Variants in PDPK1 observed in about 807,000 individuals in gnomAD.
PDPK1 encodes 3-phosphoinositide dependent protein kinase 1.
PDPK1 carries 7 observed loss-of-function variants against 39.8 expected under a neutral mutation model. That is an observed-to-expected ratio of 0.18 (90% CI 0.10 to 0.33). PDPK1 has a LOEUF of 0.33. Ranked by LOEUF, PDPK1 falls within the 10% of genes least tolerant of loss-of-function variation. PDPK1 has a pLI of 1.00. For missense variants in PDPK1, 182 were observed against 384.7 expected, an observed-to-expected ratio of 0.47 and a Z score of 4.41; for synonymous variants, 118 against 159.1, an observed-to-expected ratio of 0.74 and a Z score of 1.95.
At chr16:2,585,430 C>T (rs2066847860) in intron 10 of PDPK1, among the ~76,000 whole-genome samples, 1 of 152,220 alleles carries the variant, frequency 6.6e-6, no homozygotes, top group Non-Finnish European at 1.5e-5. Context: ...GTACCTCCTC[C>T]CTCCCTGCAG....
chr16:2,541,223 G>C (rs2066239427), intron 1 of PDPK1, among the ~76,000 whole-genome samples: 1 of 152,222 alleles, frequency 6.6e-6, no homozygotes, highest in African/African-American at 2.4e-5. Flanking sequence ...GACAGGTCTT[G>C]GCCCTCTAGA....
intron 7 of PDPK1, among the ~76,000 whole-genome samples, chr16:2,577,727 G>A (rs1339496927): frequency 6.7e-6 from 1 of 149,412 alleles, no homozygotes; most frequent in African/African-American, 2.5e-5. Flanking sequence ...GAATCGTTTG[G>A]GTTTTTTTTG....
rs1288833224 is a variant in PDPK1, at chr16:2,602,560, A to C, written c.*4793A>C. The C allele has an allele frequency of 4.3e-6, 1 of 234,790 alleles. No individual in the cohort carries two copies. Among genetic ancestry groups the C allele is most frequent in the African/African-American group, 2.2e-5 (1 of 45,342 alleles). 14.5% of individuals were successfully genotyped at this position (234,790 alleles called of 1,614,324 possible). On this transcript the variant is annotated 3_prime_UTR_variant, in exon 14 of 14. Transcript: ENST00000342085. ...TAACCACCTGGCAGAATGACTACGA[A>C]TAGGGGTCATTGTGCTGGTAAAAGC...
At chr16:2,573,945 C>T (rs1446338744) in intron 6 of PDPK1, among the ~76,000 whole-genome samples, 1 of 28,366 alleles carries the variant, frequency 3.5e-5, no homozygotes, top group Non-Finnish European at 5.6e-5. Flanking sequence ...CAGGCGCCCA[C>T]CACCACGCCC....
rs562250380 is a variant in PDPK1, at chr16:2,544,313, T to C, written c.24+6177T>C. Among the ~76,000 whole-genome samples the C allele has an allele frequency of 7.8e-4, 118 of 152,152 alleles. 1 individual carries two copies. The highest frequency in any genetic ancestry group is 3.4e-3 in the Middle Eastern group (1 of 294). On this transcript the variant is annotated intron_variant, in intron 1 of 13. Transcript: ENST00000342085. ...GCTTGGAGGGAGGTTCCCACAGAAA[T>C]ATTAGCAGTGGTTTCCTGGGCCAGT...
At chr16:2,595,525 G>A (rs546003511) in intron 11 of PDPK1, among the ~76,000 whole-genome samples, 3 of 152,324 alleles carry the variant, frequency 2.0e-5, no homozygotes, top group East Asian at 1.9e-4. Context: ...CCTTTTCCCC[G>A]CTGTGTGGAT....
chr16:2,590,418 G>A (rs1399187812), intron 11 of PDPK1, among the ~76,000 whole-genome samples: 6 of 152,210 alleles, frequency 3.9e-5, no homozygotes, highest in African/African-American at 1.4e-4. Context: ...AACCAGTCTC[G>A]CTTCTGAGCC....
chr16:2,558,477 C>T (rs1246052896), intron 2 of PDPK1, among the ~76,000 whole-genome samples: 1 of 150,650 alleles, frequency 6.6e-6, no homozygotes, highest in African/African-American at 2.5e-5. Context: ...GTCTTGTGTT[C>T]CGAGTTTCAC....
intron 1 of PDPK1, among the ~76,000 whole-genome samples, chr16:2,544,148 A>G (rs563130059): frequency 6.6e-6 from 1 of 152,162 alleles, no homozygotes; most frequent in African/African-American, 2.4e-5. Context: ...GGTTGAATCC[A>G]TGCATGTGGA....
rs1284780606 is a variant in PDPK1, at chr16:2,538,116, G to A, written c.4G>A (p.Ala2Thr). Residue 2 changes from alanine to threonine, a missense_variant, in exon 1 of 14, where the codon GCC (alanine) becomes ACC (threonine). This residue lies in a region of PDPK1 where 14 missense variants were observed against 16.3 expected (regional missense o/e 0.86). Transcript: ENST00000342085. M[A>T]RTTSQLYDAV... ...CGCCCGCGCCGACGCGGGGCCCATG[G>A]CCAGGACCACCAGCCAGCTGGTGAG... is the stretch of plus-strand genomic sequence containing the variant. 1 of 1,066,270 alleles carries A rather than the reference G, an allele frequency of 9.4e-7. No homozygotes were observed. Among genetic ancestry groups the A allele is most frequent in the Non-Finnish European group, 1.1e-6 (1 of 881,652 alleles). 66.1% of individuals were successfully genotyped at this position (1,066,270 alleles called of 1,614,324 possible).
intron 10 of PDPK1, among the ~76,000 whole-genome samples, 179 bp from the exon 11 acceptor site, chr16:2,586,497 G>A (rs1025900844): frequency 5.3e-5 from 8 of 152,260 alleles, no homozygotes; most frequent in Admixed American, 5.2e-4. Flanking sequence ...ATCCAGTGAG[G>A]CCTCGGTTCT....
intron 11 of PDPK1, chr16:2,592,878 G>A (rs982578923): frequency 8.8e-6 from 4 of 456,560 alleles, no homozygotes; most frequent in Admixed American, 2.3e-5. Context: ...GGATGCTGGC[G>A]CGGGGGTGGG....
intron 12 of PDPK1, 30 bp downstream of exon 12, chr16:2,595,880 A>C: frequency 1.1e-5 from 18 of 1,568,394 alleles, no homozygotes; most frequent in Non-Finnish European, 1.6e-5. Context: ...GCTGCTCCGC[A>C]CGGACACCTG....
At chr16:2,587,515 A>G (rs1415882103) in intron 11 of PDPK1, among the ~76,000 whole-genome samples, 2 of 150,998 alleles carry the variant, frequency 1.3e-5, no homozygotes, top group East Asian at 3.9e-4. Context: ...TATATTTTGC[A>G]TCTTTTTTTT....
chr16:2,558,360 C>T (rs1333862520), intron 2 of PDPK1, among the ~76,000 whole-genome samples: 2 of 149,430 alleles, frequency 1.3e-5, no homozygotes, highest in Non-Finnish European at 3.0e-5. Flanking sequence ...AGTATCTCTC[C>T]AGGGTTTTTG....
intron 1 of PDPK1, among the ~76,000 whole-genome samples, chr16:2,542,006 C>G (rs1438119547): frequency 6.6e-5 from 10 of 151,932 alleles, no homozygotes; most frequent in Admixed American, 2.6e-4. Flanking sequence ...GTTGGTTGCA[C>G]AAAGTCCGTT....
intron 1 of PDPK1, among the ~76,000 whole-genome samples, chr16:2,547,220 C>A (rs1263163817): frequency 6.7e-6 from 1 of 148,682 alleles, no homozygotes; most frequent in East Asian, 1.9e-4. Flanking sequence ...CATTTCCCCC[C>A]ATGTGGACCT....
intron 1 of PDPK1, among the ~76,000 whole-genome samples, chr16:2,539,924 G>C (rs1167991149): frequency 2.0e-5 from 3 of 152,246 alleles, no homozygotes; most frequent in Non-Finnish European, 4.4e-5. Context: ...TTCTTCGCAT[G>C]AGATGGCTTT....
intron 2 of PDPK1, among the ~76,000 whole-genome samples, chr16:2,558,542 G>GT (rs1402870535): frequency 1.3e-5 from 2 of 150,200 alleles, no homozygotes. Flanking sequence ...TGTCTTCGGG[G>GT]TGTTTTTTCC....
Sources: allele counts gnomAD v4.1 joint callset (sites outside exome capture counted in the v4.1 genomes callset), GRCh38; gene constraint gnomAD v4.1.1; regional missense constraint gnomAD v4.1.1; transcripts MANE v1.5; gene names NCBI Gene and HGNC (gene_info 2026-07-23, HGNC 2026-07-21).